Variants in SEC23A observed in about 807,000 individuals in gnomAD.
SEC23A encodes protein transport protein Sec23A.
A neutral mutation model predicts 103.7 loss-of-function variants in SEC23A; 56 were observed. The observed-to-expected ratio is 0.54, with a 90% CI of 0.44 to 0.67. The LOEUF (loss-of-function observed/expected upper bound fraction) is 0.67, where lower values mean the gene tolerates loss of function less well. Among genes scored for constraint, SEC23A ranks in the 30% least tolerant of loss-of-function variants. SEC23A has a pLI of 0.00. For missense variants in SEC23A, 784 were observed against 936.4 expected (o/e 0.84, Z 2.12); for synonymous variants, 281 against 293.0 (o/e 0.96, Z 0.42).
chr14:39,064,799 C>CT, intron 11 of SEC23A, 114 bp downstream of exon 11: 4 of 810,472 alleles, frequency 4.9e-6, no homozygotes, highest in South Asian at 2.7e-5. Context: ...GAGCTGGTCT[C>CT]TAACTCCTGG....
In SEC23A at chr14:39,095,912, A is replaced by G; in HGVS notation, c.207T>C (p.Val69=). 6.2e-7 allele frequency: 1 copy of G among 1,613,098 alleles called. No homozygotes were observed. Among genetic ancestry groups the G allele is most frequent in the Non-Finnish European group, 8.5e-7 (1 of 1,179,022 alleles). The change falls in exon 2 of 20, where the codon GTT becomes GTC. Residue 69 remains valine (V), a synonymous_variant. Coordinates refer to ENST00000307712, the MANE Select transcript of SEC23A (RefSeq NM_006364.4). ...VLCSRTTCRA[V]LNPLCQVDYR... ...ATTTTACTTACCATAAAGGATTCAA[A>G]ACTGCACGGCAAGTGGTCCTACTAC...
At chr14:39,077,833 T>G (rs1243263407) in intron 7 of SEC23A, among the ~76,000 whole-genome samples, 1 of 150,600 alleles carries the variant, frequency 6.6e-6, no homozygotes, top group Non-Finnish European at 1.5e-5. Flanking sequence ...CTTGGGAGGC[T>G]GAGGCAAGAG....
intron 15 of SEC23A, among the ~76,000 whole-genome samples, chr14:39,048,357 C>CA (rs1211519059): frequency 6.6e-6 from 1 of 151,794 alleles, no homozygotes; most frequent in Admixed American, 6.6e-5. Flanking sequence ...CTGGATGTGG[C>CA]AATCTTAGCA....
rs1466849214 is a variant in SEC23A, at chr14:39,039,349, A to G, written c.2143-253T>C. On this transcript the variant is annotated intron_variant, in intron 18 of 19. Transcript: ENST00000307712. Reference sequence around the variant, plus strand: ...TACATTGTTGAGTCCAAAACTCAGCATATAAAAATTATGTGTGCAACAATT... The same window carrying G: ...TACATTGTTGAGTCCAAAACTCAGCGTATAAAAATTATGTGTGCAACAATT... 4 of 403,442 alleles carry G rather than the reference A, an allele frequency of 9.9e-6. No homozygotes were observed. In the Admixed American group the frequency reaches 1.7e-4, roughly 17 times the overall value. The allele number at this position is 403,442 out of a possible 1,614,324, so 25.0% of individuals were successfully genotyped here. A position where few individuals can be genotyped will look rare whatever the true frequency, so the allele number is the denominator to read the frequency against.
chr14:39,039,082 A>G lies in SEC23A; in HGVS notation c.2157T>C (p.Leu719=). 6.2e-7 allele frequency: 1 copy of G among 1,613,794 alleles called. No homozygotes were observed. The highest frequency in any genetic ancestry group is 8.5e-7 in the Non-Finnish European group (1 of 1,179,786). ...EHGGSQARFL[L]SKVNPSQTHN... ...GAGTCTGTGAAGGGTTGACTTTTGAAAGGAGGAAACGGGCCTTAAAAGCAA... is the reference window on the plus strand; with the variant it reads ...GAGTCTGTGAAGGGTTGACTTTTGAGAGGAGGAAACGGGCCTTAAAAGCAA... The change falls in exon 19 of 20, where the codon CTT becomes CTC. Residue 719 remains leucine, a synonymous_variant. Coordinates refer to ENST00000307712, the MANE Select transcript of SEC23A (RefSeq NM_006364.4).
chr14:39,038,863 G>T lies in SEC23A; in HGVS notation c.2208+168C>A, dbSNP rs1555257. ...GAGTCTATTTGATAGGATCACTTTT[G>T]TCCTATGGTGTCGCCAAATATTAAT... On this transcript the variant is annotated intron_variant, in intron 19 of 19. Transcript: ENST00000307712. 0.37 allele frequency among the ~76,000 whole-genome samples: 56,680 copies of T among 151,986 alleles called. 11,057 individuals carry two copies. Among genetic ancestry groups the T allele is most frequent in the African/African-American group, 0.49 (20,228 of 41,434 alleles).
intron 5 of SEC23A, chr14:39,090,932 T>A (rs1887641352): frequency 6.3e-6 from 2 of 316,674 alleles, no homozygotes; most frequent in Non-Finnish European, 1.2e-5. Context: ...ATCAGGAGCT[T>A]CATCTGCAAT....
chr14:39,099,184 G>T (rs556007078), intron 1 of SEC23A, among the ~76,000 whole-genome samples: 49 of 127,898 alleles, frequency 3.8e-4, no homozygotes, highest in African/African-American at 1.4e-3. Flanking sequence ...TTTTGACACG[G>T]AGTCTCACTC....
Position 39,042,813 on chromosome 14 carries a change from G to T in SEC23A, c.1959C>A (p.Phe653Leu). The change falls in exon 17 of 20, where the codon TTC (phenylalanine) becomes TTA (leucine). Residue 653 changes from phenylalanine to leucine, a missense_variant. This residue lies in a region of SEC23A where 101 missense variants were observed against 162.2 expected (regional missense o/e 0.62). Transcript: ENST00000307712. ...LADRILLMDT[F>L]FQILIYHGET... Reference sequence around the variant, plus strand: ...CACCATGATAAATCAAAATCTGGAAGAATGTGTCCATGAGAAGAATACGAT... The same window carrying T: ...CACCATGATAAATCAAAATCTGGAATAATGTGTCCATGAGAAGAATACGAT... The T allele has an allele frequency of 6.2e-7, 1 of 1,610,796 alleles. No homozygotes were observed. The highest frequency in any genetic ancestry group is 8.5e-7 in the Non-Finnish European group (1 of 1,177,226).
intron 11 of SEC23A, 189 bp downstream of exon 11, chr14:39,064,724 C>A (rs762141570): frequency 6.6e-6 from 4 of 602,564 alleles, no homozygotes; most frequent in Non-Finnish European, 1.2e-5. Flanking sequence ...CCTGTGCGTT[C>A]GCTGTGTCTT....
chr14:39,091,039 G>A (rs781335868), intron 5 of SEC23A: 1 of 392,726 alleles, frequency 2.5e-6, no homozygotes, highest in Non-Finnish European at 4.8e-6. Flanking sequence ...AAAGAAAGTG[G>A]AAACAAAGAA....
intron 11 of SEC23A, chr14:39,064,537 A>G (rs1886591323): frequency 6.2e-6 from 1 of 161,222 alleles, no homozygotes; most frequent in African/African-American, 2.4e-5. Flanking sequence ...GGCATAAAAA[A>G]TAGAAGACTG....
intron 2 of SEC23A, among the ~76,000 whole-genome samples, 188 bp from the exon 3 acceptor site, chr14:39,093,432 A>C (rs1400581947): frequency 6.6e-6 from 1 of 152,212 alleles, no homozygotes; most frequent in Non-Finnish European, 1.5e-5. Flanking sequence ...AACATATACA[A>C]GTTTACCTAA....
At chr14:39,064,046 G>A (rs1162490058) in intron 11 of SEC23A, among the ~76,000 whole-genome samples, 1 of 95,350 alleles carries the variant, frequency 1.0e-5, no homozygotes. Flanking sequence ...TGAAGTAATT[G>A]CAACTAACAT....
At chr14:39,062,243 G>T (rs1886504506) in intron 12 of SEC23A, among the ~76,000 whole-genome samples, 1 of 152,088 alleles carries the variant, frequency 6.6e-6, no homozygotes, top group African/African-American at 2.4e-5. Context: ...AAATGCTTGG[G>T]ACCCGAAATG....
chr14:39,072,638 G>A (rs899596853), intron 9 of SEC23A, among the ~76,000 whole-genome samples: 4 of 150,432 alleles, frequency 2.7e-5, no homozygotes, highest in Non-Finnish European at 5.9e-5. Flanking sequence ...GTGAGACCTC[G>A]TCTCCACAAA....
chr14:39,085,685 TATATAC>T lies in SEC23A; in HGVS notation c.828+71_828+76del, dbSNP rs1370351031. Reference sequence around the variant, plus strand: ...TTGGTTCTTCTTATCCTTATAATTATATATACACACACACACACACACACACACACA... The same window carrying T: ...TTGGTTCTTCTTATCCTTATAATTATACACACACACACACACACACACACA... On this transcript the variant is annotated intron_variant, in intron 7 of 19. Coordinates refer to ENST00000307712, the MANE Select transcript of SEC23A (RefSeq NM_006364.4). 4,332 of 952,316 alleles carry T rather than the reference TATATAC, an allele frequency of 4.5e-3. 127 individuals carry two copies. Among genetic ancestry groups the T allele is most frequent in the South Asian group, 7.3e-3 (492 of 67,442 alleles). 59.0% of individuals were successfully genotyped at this position (952,316 alleles called of 1,614,324 possible). A position where few individuals can be genotyped will look rare whatever the true frequency, so the allele number is the denominator to read the frequency against.
At chr14:39,077,141 T>C (rs904326630) in intron 7 of SEC23A, among the ~76,000 whole-genome samples, 1 of 144,114 alleles carries the variant, frequency 6.9e-6, no homozygotes, top group African/African-American at 2.6e-5. Flanking sequence ...GGCAGGAGAA[T>C]TGCTTCGACC....
chr14:39,036,203 T>C (rs1470325694), intron 19 of SEC23A, among the ~76,000 whole-genome samples: 1 of 150,610 alleles, frequency 6.6e-6, no homozygotes, highest in Non-Finnish European at 1.5e-5. Flanking sequence ...GTGCCTGTAG[T>C]CCCAGCTACT....
Sources: allele counts gnomAD v4.1 joint callset (sites outside exome capture counted in the v4.1 genomes callset), GRCh38; gene constraint gnomAD v4.1.1; regional missense constraint gnomAD v4.1.1; transcripts MANE v1.5; gene names NCBI Gene and HGNC (gene_info 2026-07-23, HGNC 2026-07-21).